Variants in PRKCH observed in about 807,000 individuals in gnomAD.
PRKCH encodes protein kinase C eta type.
PRKCH carries 28 observed loss-of-function variants against 82.5 expected under a neutral mutation model. The ratio of observed to expected loss-of-function variants is 0.34; its 90% CI spans 0.25 to 0.47. PRKCH has a LOEUF of 0.47. PRKCH is among the 20% of genes least tolerant of loss of function. The pLI, the probability that PRKCH is intolerant of heterozygous loss-of-function variation, is 1.00. For synonymous variants in PRKCH, 322 were observed against 327.4 expected, an observed-to-expected ratio of 0.98 and a Z score of 0.18; for missense variants, 705 against 881.8, an observed-to-expected ratio of 0.80 and a Z score of 2.54.
chr14:61,416,053 C>CTTTTTTTTTTTTTTTTTTTTTTT (rs71117815), intron 2 of PRKCH, among the ~76,000 whole-genome samples: 4 of 94,184 alleles, frequency 4.2e-5, no homozygotes, highest in African/African-American at 8.5e-5. Flanking sequence ...CTTTTCTTTT[C>CTTTTTTTTTTTTTTTTTTTTTTT]TTTTTTTTTT....
At chr14:61,420,879 G>A (rs1420905260) in intron 2 of PRKCH, among the ~76,000 whole-genome samples, 1 of 152,068 alleles carries the variant, frequency 6.6e-6, no homozygotes, top group African/African-American at 2.4e-5. Context: ...CACTGCCATG[G>A]GCTGGAGGAG....
At chr14:61,210,811 T>TGCGCGC (rs1270114965) in intron 1 of PRKCH, among the ~76,000 whole-genome samples, 1 of 151,236 alleles carries the variant, frequency 6.6e-6, no homozygotes, top group South Asian at 2.1e-4. Flanking sequence ...TGTGTGTGTG[T>TGCGCGC]GTGCGTGCAC....
At chr14:61,402,388 C>T (rs572450693) in intron 2 of PRKCH, among the ~76,000 whole-genome samples, 3 of 152,306 alleles carry the variant, frequency 2.0e-5, no homozygotes, top group Admixed American at 2.0e-4. Flanking sequence ...CTGCAATTAT[C>T]TGAAAAATCT....
intron 1 of PRKCH, among the ~76,000 whole-genome samples, chr14:61,236,710 C>CAAAAAA (rs35185475): frequency 0.021 from 1,761 of 83,282 alleles, 6 homozygotes; most frequent in Non-Finnish European, 0.027. Context: ...TGTCTCAAAA[C>CAAAAAA]AAAAAAAAAA....
chr14:61,362,251 G>A (rs1032202155), intron 1 of PRKCH, among the ~76,000 whole-genome samples: 11 of 151,384 alleles, frequency 7.3e-5, no homozygotes, highest in Non-Finnish European at 2.9e-5. Flanking sequence ...GAAGAGGGAG[G>A]ATAGCTTTGA....
upstream of PRKCH, among the ~76,000 whole-genome samples, chr14:61,320,686 T>C (rs4899037): frequency 0.36 from 54,078 of 151,906 alleles, 11,356 homozygotes; most frequent in African/African-American, 0.59. Context: ...GGAGCAAGCT[T>C]TGCGGCATAG....
chr14:61,435,561 C>T (rs1469925702), intron 2 of PRKCH, among the ~76,000 whole-genome samples: 1 of 152,154 alleles, frequency 6.6e-6, no homozygotes, highest in Non-Finnish European at 1.5e-5. Flanking sequence ...CCGGAGCTGG[C>T]CAGGCACAGT....
At chr14:61,402,055 A>G (rs541074988) in intron 2 of PRKCH, among the ~76,000 whole-genome samples, 3 of 152,352 alleles carry the variant, frequency 2.0e-5, no homozygotes, top group South Asian at 2.1e-4. Flanking sequence ...TATATCCACC[A>G]TTGTGAGCTT....
rs138560037 is a variant in PRKCH at position 61,411,203 on chromosome 14, G to A, written c.427+19915G>A. Reference sequence around the variant, plus strand: ...CAGCCTTCATGCTCATCCTTTACACGTCTCTTTGGTTCATGTACCAGTCCC... The same window carrying A: ...CAGCCTTCATGCTCATCCTTTACACATCTCTTTGGTTCATGTACCAGTCCC... On this transcript the variant is annotated intron_variant, in intron 2 of 13. Transcript: ENST00000332981. 3.0e-3 allele frequency among the ~76,000 whole-genome samples: 450 copies of A among 152,220 alleles called. 2 individuals carry two copies. Among genetic ancestry groups the A allele is most frequent in the African/African-American group, 0.01 (421 of 41,524 alleles).
At chr14:61,438,566 A>G (rs977676567) in intron 2 of PRKCH, among the ~76,000 whole-genome samples, 1 of 152,220 alleles carries the variant, frequency 6.6e-6, no homozygotes, top group African/African-American at 2.4e-5. Flanking sequence ...AGCAGATAGA[A>G]CAAAAGACCA....
At chr14:61,410,905 A>G (rs1271989477) in intron 2 of PRKCH, among the ~76,000 whole-genome samples, 2 of 152,206 alleles carry the variant, frequency 1.3e-5, no homozygotes, top group Non-Finnish European at 2.9e-5. Flanking sequence ...GCCTGGGCTC[A>G]TGAAGCCTGT....
At chr14:61,400,775 C>A (rs578001150) in intron 2 of PRKCH, among the ~76,000 whole-genome samples, 1 of 152,224 alleles carries the variant, frequency 6.6e-6, no homozygotes, top group South Asian at 2.1e-4. Context: ...TATATTATTC[C>A]ATTTTCTCTC....
intron 1 of PRKCH, among the ~76,000 whole-genome samples, chr14:61,256,801 A>G (rs2045001621): frequency 6.6e-6 from 1 of 152,198 alleles, no homozygotes; most frequent in Non-Finnish European, 1.5e-5. Flanking sequence ...CCACTTAACC[A>G]TGCAGTATTG....
intron 1 of PRKCH, among the ~76,000 whole-genome samples, chr14:61,188,769 G>A (rs1202547369): frequency 6.9e-6 from 1 of 144,584 alleles, no homozygotes; most frequent in Non-Finnish European, 1.5e-5. Context: ...GCCCAGGCTG[G>A]AGTGCAGTGG....
At chr14:61,419,560 T>A (rs1344938177) in intron 2 of PRKCH, among the ~76,000 whole-genome samples, 1 of 152,172 alleles carries the variant, frequency 6.6e-6, no homozygotes, top group Non-Finnish European at 1.5e-5. Flanking sequence ...CACCTCCAGT[T>A]GAGAATCAAT....
intron 1 of PRKCH, among the ~76,000 whole-genome samples, chr14:61,211,016 T>A (rs1378863482): frequency 6.6e-6 from 1 of 152,144 alleles, no homozygotes; most frequent in Non-Finnish European, 1.5e-5. Context: ...CAGTTGGGAA[T>A]GAAAGCTGAA....
intron 1 of PRKCH, among the ~76,000 whole-genome samples, chr14:61,344,702 T>G (rs947193037): frequency 3.9e-5 from 6 of 152,088 alleles, no homozygotes; most frequent in Non-Finnish European, 8.8e-5. Flanking sequence ...AGTGGTCCCT[T>G]GCACTGATGA....
intron 1 of PRKCH, among the ~76,000 whole-genome samples, chr14:61,367,418 G>T (rs1365599237): frequency 4.0e-5 from 6 of 151,556 alleles, no homozygotes. Flanking sequence ...TGCCACCGAG[G>T]TCACCGTGGA....
chr14:61,275,111 T>C (rs1429627808), intron 1 of PRKCH, among the ~76,000 whole-genome samples: 1 of 152,262 alleles, frequency 6.6e-6, no homozygotes, highest in African/African-American at 2.4e-5. Flanking sequence ...TGTCTTTTAC[T>C]TATTAAAATC....
Sources: gnomAD v4.1 joint callset for allele counts (sites outside exome capture counted in the v4.1 genomes callset) on GRCh38, gnomAD v4.1.1 for gene constraint, MANE v1.5 for transcripts, NCBI Gene and HGNC (gene_info 2026-07-23, HGNC 2026-07-21) for gene names.